DOCK7: variants seen among roughly 807,000 people sequenced by gnomAD.
The protein encoded by DOCK7 is dedicator of cytokinesis 7, also known as dedicator of cytokinesis protein 7.
Under a neutral mutation model 271.0 loss-of-function variants are expected in DOCK7, and 138 were observed. That is an observed-to-expected ratio of 0.51 (90% confidence interval 0.44 to 0.59). DOCK7 has a LOEUF of 0.59. Among genes scored for constraint, DOCK7 ranks in the 20% least tolerant of loss-of-function variants. The pLI, the probability that DOCK7 is intolerant of heterozygous loss-of-function variation, is 0.00. For synonymous variants in DOCK7, 823 were observed against 876.1 expected (o/e 0.94, Z 1.07); for missense variants, 2,066 against 2,592.4 (o/e 0.80, Z 4.41).
intron 31 of DOCK7, among the ~76,000 whole-genome samples, chr1:62,514,366 T>C (rs1194341741): frequency 6.6e-6 from 1 of 152,074 alleles, no homozygotes; most frequent in Non-Finnish European, 1.5e-5. Context: ...GCACCACTGA[T>C]ACAAAAAGGA....
At position 62,619,902 on chromosome 1, in the gene DOCK7, G is replaced by A. The variant is rs1401725117; in HGVS notation, c.1517C>T (p.Thr506Ile). The change falls in exon 13 of 50, where the codon ACA becomes ATA. Residue 506 changes from threonine to isoleucine, a missense_variant and splice_region_variant. By Grantham distance (89) the Thr-to-Ile change is moderately conservative (BLOSUM62 -1). This residue lies in a region of DOCK7 where 1,414 missense variants were observed against 1,670.4 expected (regional missense o/e 0.85). Coordinates refer to ENST00000635253, the MANE Select transcript of DOCK7 (RefSeq NM_001367561.1). ...TTCTACTCAAAATTTTTAAATACCT[G>A]TAATAGGTCTTAGTCGCCGTAAGAC... ...SSVLRRLRPI[T>I]AQLKIDISPA... 8 of 1,608,174 alleles carry A rather than the reference G, an allele frequency of 5.0e-6. No homozygotes were observed. In the East Asian group the frequency reaches 6.7e-5, roughly 13 times the overall value.
intron 18 of DOCK7, among the ~76,000 whole-genome samples, chr1:62,563,857 A>G (rs1319957707): frequency 9.8e-6 from 1 of 102,334 alleles, no homozygotes; most frequent in Non-Finnish European, 1.9e-5. Context: ...AGGAATATTT[A>G]CCAAGCAAAA....
intron 8 of DOCK7, 160 bp from the exon 9 acceptor site, chr1:62,635,082 ATAAAT>A (rs1655092882): frequency 1.2e-5 from 5 of 432,846 alleles, no homozygotes; most frequent in Non-Finnish European, 8.2e-6. Context: ...TTTAATCTTA[ATAAAT>A]TAAATTTCTA....
At chr1:62,663,163 T>C (rs370571448) in intron 1 of DOCK7, 33 bp from the exon 2 acceptor site, 25 of 1,484,160 alleles carry the variant, frequency 1.7e-5, no homozygotes, top group Non-Finnish European at 2.3e-5. Context: ...ATACGCATTA[T>C]TGAAAAAAAA....
chr1:62,677,037 G>A (rs1171776568), intron 1 of DOCK7, among the ~76,000 whole-genome samples: 1 of 152,152 alleles, frequency 6.6e-6, no homozygotes, highest in Non-Finnish European at 1.5e-5. Flanking sequence ...TGTCTATACT[G>A]CCACATATTT....
chr1:62,628,250 C>T (rs1032986044), intron 11 of DOCK7: 27 of 152,292 alleles, frequency 1.8e-4, no homozygotes, highest in Non-Finnish European at 7.3e-5. Context: ...ATAATGCTAG[C>T]TCAGCTGCTG....
intron 12 of DOCK7, chr1:62,624,973 GAAAAAAAAAC>G (rs1423491498): frequency 6.3e-5 from 12 of 189,442 alleles, no homozygotes; most frequent in Admixed American, 6.0e-4. Flanking sequence ...TCTGTCTCAA[GAAAAAAAAAC>G]AAAAAAAAAC....
chr1:62,659,409 C>G (rs1288038814), intron 2 of DOCK7, among the ~76,000 whole-genome samples: 6 of 151,942 alleles, frequency 3.9e-5, no homozygotes, highest in Admixed American at 1.3e-4. Context: ...AAGAGATACT[C>G]TCCACAACAC....
rs1645386309 is a variant in DOCK7, at chr1:62,457,678, C to G, written c.6240G>C (p.Lys2080Asn). 6.2e-7 allele frequency: 1 copy of G among 1,613,330 alleles called. No homozygotes were observed. Among genetic ancestry groups the G allele is most frequent in the Non-Finnish European group, 8.5e-7 (1 of 1,179,840 alleles). Residue 2080 changes from lysine to asparagine, a missense_variant, in exon 49 of 50, where the codon AAG (lysine) becomes AAC (asparagine). Coordinates refer to ENST00000635253, the MANE Select transcript of DOCK7 (RefSeq NM_001367561.1). ...CCTTTTGATCCGGCCCAATTAAGCT[C>G]TTATTTTTTCTTAAGGCATCTTCAC... ...KRCEDALRKN[K>N]SLIGPDQKEY...
chr1:62,561,808 TA>T, intron 18 of DOCK7, 105 bp from the exon 19 acceptor site: 4 of 586,724 alleles, frequency 6.8e-6, no homozygotes, highest in Non-Finnish European at 1.1e-5. Context: ...TGTGAAAATA[TA>T]TTTTTATTCA....
intron 14 of DOCK7, 134 bp downstream of exon 14, chr1:62,618,572 A>C (rs907769808): frequency 9.2e-5 from 67 of 729,840 alleles, no homozygotes; most frequent in South Asian, 3.6e-4. Context: ...AACTATTAAT[A>C]AAATTGTGCG....
At chr1:62,522,067 T>C (rs973003075) in intron 31 of DOCK7, among the ~76,000 whole-genome samples, 2 of 152,034 alleles carry the variant, frequency 1.3e-5, no homozygotes, top group Non-Finnish European at 2.9e-5. Flanking sequence ...TAATAAATTA[T>C]AACAGTAATT....
At position 62,513,608 on chromosome 1, in the gene DOCK7, T is replaced by G. The variant is rs1557651107; in HGVS notation, c.4120-2A>C. 1 of 1,610,642 alleles carries G rather than the reference T, an allele frequency of 6.2e-7. No individual in the cohort carries two copies. The highest frequency in any genetic ancestry group is 8.5e-7 in the Non-Finnish European group (1 of 1,179,174). ...CATTCGTTCAAACACTTTTTTCCCC[T>G]AAAATGTAAACATTAGAAGAGAAGA... On this transcript the variant is annotated splice_acceptor_variant, in intron 32 of 49. Coordinates refer to ENST00000635253, the MANE Select transcript of DOCK7 (RefSeq NM_001367561.1). LOFTEE classifies it high-confidence loss of function.
chr1:62,675,320 T>C (rs1273751443), intron 1 of DOCK7, among the ~76,000 whole-genome samples: 2 of 151,908 alleles, frequency 1.3e-5, no homozygotes, highest in Admixed American at 1.3e-4. Flanking sequence ...GGAAGATAGC[T>C]TGAGCCCAGG....
At chr1:62,687,675 G>C (rs1343006945) in intron 1 of DOCK7, 2 of 152,270 alleles carry the variant, frequency 1.3e-5, no homozygotes, top group Non-Finnish European at 2.9e-5. Context: ...AGGGTGCAAA[G>C]AGGGTTCCTG....
At chr1:62,552,117 A>C (rs1645926306) in intron 22 of DOCK7, among the ~76,000 whole-genome samples, 1 of 152,136 alleles carries the variant, frequency 6.6e-6, no homozygotes, top group Admixed American at 6.5e-5. Context: ...TATATAAATA[A>C]TGCTACGTAC....
intron 35 of DOCK7, among the ~76,000 whole-genome samples, chr1:62,507,698 T>C (rs977608771): frequency 1.3e-5 from 2 of 152,128 alleles, no homozygotes; most frequent in South Asian, 2.1e-4. Flanking sequence ...CACCTATAAA[T>C]ACTCAGAGGA....
Position 62,653,970 on chromosome 1 carries a change from C to T in DOCK7, c.320+14G>A. 6.2e-7 allele frequency: 1 copy of T among 1,606,240 alleles called. No individual in the cohort carries two copies. On this transcript the variant is annotated intron_variant, in intron 3 of 49. Transcript: ENST00000635253. ...AGTTCCTCTAAAGCCAAAAATAAGT[C>T]AATGTCTCCTTACCTTTCTTCAGGT...
At chr1:62,475,682 G>A in intron 46 of DOCK7, 25 bp downstream of exon 46, 1 of 1,595,750 alleles carries the variant, frequency 6.3e-7, no homozygotes, top group Non-Finnish European at 8.6e-7. Flanking sequence ...CTTCACTAAT[G>A]CTGTTTGCCC....
Sources: gnomAD v4.1 joint callset for allele counts (sites outside exome capture counted in the v4.1 genomes callset) on GRCh38, gnomAD v4.1.1 for gene constraint, gnomAD v4.1.1 regional missense constraint, MANE v1.5 for transcripts, NCBI Gene and HGNC (gene_info 2026-07-23, HGNC 2026-07-21) for gene names.